Variants in DAB1 observed in about 807,000 individuals in gnomAD.
The protein encoded by DAB1 is disabled homolog 1.
A neutral mutation model predicts 64.6 loss-of-function variants in DAB1; 15 were observed. That is an observed-to-expected ratio of 0.23 (90% CI 0.16 to 0.36). The LOEUF is 0.36. Ranked by LOEUF, DAB1 falls within the 10% of genes least tolerant of loss-of-function variation. The pLI is 1.00. For synonymous variants in DAB1, 235 were observed against 251.9 expected, an observed-to-expected ratio of 0.93 and a Z score of 0.64; for missense variants, 596 against 706.7, an observed-to-expected ratio of 0.84 and a Z score of 1.78.
intron 7 of DAB1, among the ~76,000 whole-genome samples, chr1:57,565,167 G>A (rs1402329449): frequency 6.6e-6 from 1 of 152,068 alleles, no homozygotes; most frequent in Non-Finnish European, 1.5e-5. Context: ...CATATCCAGT[G>A]AAACTAAGCT....
At chr1:57,401,101 G>C (rs138076884) in intron 1 of DAB1, among the ~76,000 whole-genome samples, 8 of 151,944 alleles carry the variant, frequency 5.3e-5, no homozygotes, top group African/African-American at 1.7e-4. Context: ...AATCAGATAA[G>C]TATAAAAGCA....
intron 3 of DAB1, among the ~76,000 whole-genome samples, chr1:58,476,376 A>G (rs775269959): frequency 6.6e-6 from 1 of 152,138 alleles, no homozygotes; most frequent in Admixed American, 6.6e-5. Flanking sequence ...GCAGTCTCCT[A>G]AACAGCTAGT....
At chr1:57,408,473 G>A (rs1218230759) in intron 1 of DAB1, among the ~76,000 whole-genome samples, 1 of 152,104 alleles carries the variant, frequency 6.6e-6, no homozygotes, top group Non-Finnish European at 1.5e-5. Flanking sequence ...AGTCAGGATA[G>A]GTTTTACCAC....
intron 5 of DAB1, among the ~76,000 whole-genome samples, chr1:58,069,650 C>T (rs1649110348): frequency 1.3e-5 from 2 of 152,268 alleles, no homozygotes; most frequent in South Asian, 4.2e-4. Flanking sequence ...ATGTTCAGCA[C>T]AACACACCTA....
chr1:57,669,533 C>T (rs377431435), intron 6 of DAB1, among the ~76,000 whole-genome samples: 154 of 152,198 alleles, frequency 1.0e-3, no homozygotes, highest in African/African-American at 3.6e-3. Context: ...TAATTGGCCT[C>T]GCAATGTATC....
intron 7 of DAB1, among the ~76,000 whole-genome samples, chr1:57,602,836 A>G (rs1057121566): frequency 6.6e-6 from 1 of 152,108 alleles, no homozygotes; most frequent in African/African-American, 2.4e-5. Context: ...CTGAGGGCAG[A>G]GCATCTTCAA....
intron 2 of DAB1, among the ~76,000 whole-genome samples, chr1:57,193,894 T>C (rs1315654225): frequency 6.6e-6 from 1 of 152,208 alleles, no homozygotes; most frequent in Non-Finnish European, 1.5e-5. Flanking sequence ...CTTAGCCAAG[T>C]TACTTAACCT....
chr1:58,047,987 A>G (rs1403158763), intron 5 of DAB1: 1 of 564,908 alleles, frequency 1.8e-6, no homozygotes, highest in Middle Eastern at 4.9e-4. Context: ...AACCTGTTAT[A>G]CAATTAGTCA....
At chr1:57,125,459 CTTTAT>C (rs575594038) in intron 4 of DAB1, among the ~76,000 whole-genome samples, 4 of 152,042 alleles carry the variant, frequency 2.6e-5, no homozygotes, top group African/African-American at 4.8e-5. Context: ...GCAGGTTATA[CTTTAT>C]ATCTTATACA....
chr1:57,457,835 A>G (rs1686653510), intron 7 of DAB1, among the ~76,000 whole-genome samples: 1 of 152,176 alleles, frequency 6.6e-6, no homozygotes, highest in Admixed American at 6.6e-5. Context: ...AATCCAGCCT[A>G]AGGATTACAG....
intron 2 of DAB1, among the ~76,000 whole-genome samples, chr1:57,207,478 C>G (rs1293054396): frequency 1.4e-5 from 1 of 69,384 alleles, no homozygotes; most frequent in Non-Finnish European, 3.1e-5. Context: ...GAGTCTCGCT[C>G]TGTCGCCCAG....
intron 6 of DAB1, among the ~76,000 whole-genome samples, chr1:57,695,404 GAAAGA>G (rs1252963797): frequency 3.6e-5 from 4 of 109,826 alleles, no homozygotes; most frequent in Admixed American, 8.3e-5. Flanking sequence ...AAGAAAGAAA[GAAAGA>G]AAGAAAGAAA....
chr1:57,331,221 T>C (rs923773286), intron 1 of DAB1, among the ~76,000 whole-genome samples: 4 of 152,232 alleles, frequency 2.6e-5, no homozygotes, highest in Admixed American at 2.6e-4. Flanking sequence ...ACAATTTAAC[T>C]GTAAGAACAG....
chr1:58,164,676 T>C (rs991114441), intron 4 of DAB1, among the ~76,000 whole-genome samples: 60 of 152,220 alleles, frequency 3.9e-4, no homozygotes, highest in African/African-American at 1.4e-3. Flanking sequence ...GAGATGAGTG[T>C]TGGGACAACC....
intron 4 of DAB1, among the ~76,000 whole-genome samples, chr1:58,286,763 T>C (rs549169046): frequency 6.6e-6 from 1 of 152,304 alleles, no homozygotes; most frequent in African/African-American, 2.4e-5. Flanking sequence ...AGTGTGGTGA[T>C]TCCTCGAAGA....
intron 2 of DAB1, among the ~76,000 whole-genome samples, chr1:57,238,374 G>C (rs1021077769): frequency 1.3e-5 from 2 of 152,214 alleles, no homozygotes; most frequent in Non-Finnish European, 2.9e-5. Context: ...CTAGGAGAAA[G>C]AGCCAGAGGA....
chr1:58,303,047 G>T (rs1479669563), intron 4 of DAB1, among the ~76,000 whole-genome samples: 2 of 152,110 alleles, frequency 1.3e-5, no homozygotes, highest in Non-Finnish European at 2.9e-5. Context: ...CTTACCAACT[G>T]GCTTTCAGCT....
chr1:57,211,730 C>G (rs1666022034), intron 2 of DAB1, among the ~76,000 whole-genome samples: 1 of 151,744 alleles, frequency 6.6e-6, no homozygotes. Context: ...AGGATTCAAC[C>G]AAATGTAGAC....
At chr1:58,247,105 C>T (rs1244621145) in intron 4 of DAB1, among the ~76,000 whole-genome samples, 2 of 151,920 alleles carry the variant, frequency 1.3e-5, no homozygotes, top group Non-Finnish European at 2.9e-5. Flanking sequence ...GTGGAAGGGC[C>T]CATACTGGAG....
Sources: allele counts gnomAD v4.1 joint callset (sites outside exome capture counted in the v4.1 genomes callset), GRCh38; gene constraint gnomAD v4.1.1; transcripts MANE v1.5; gene names NCBI Gene and HGNC (gene_info 2026-07-23, HGNC 2026-07-21).